Variants in SLC8A1 observed in about 807,000 individuals in gnomAD.
SLC8A1 encodes the protein sodium/calcium exchanger 1.
In SLC8A1, 18 loss-of-function variants were observed where a neutral mutation model predicts 68.3. The observed-to-expected ratio is 0.26, with a 90% CI of 0.18 to 0.39. SLC8A1 has a LOEUF of 0.39. Among genes scored for constraint, SLC8A1 ranks in the 10% least tolerant of loss-of-function variants. The probability of loss-of-function intolerance (pLI) is 1.00; values close to 1 mark genes in which losing one functional copy is unlikely to be tolerated. For missense variants in SLC8A1, 985 were observed against 1,156.7 expected (o/e 0.85, Z 2.15); for synonymous variants, 475 against 415.5 (o/e 1.14, Z -1.74).
chr2:40,508,601 G>C (rs1375469185), intron 1 of SLC8A1, among the ~76,000 whole-genome samples: 1 of 152,040 alleles, frequency 6.6e-6, no homozygotes, highest in African/African-American at 2.4e-5. Context: ...GACTATGATA[G>C]ATATCAAATA....
chr2:40,151,490 GGTT>G (rs979575917), intron 6 of SLC8A1, among the ~76,000 whole-genome samples: 4 of 152,118 alleles, frequency 2.6e-5, no homozygotes, highest in African/African-American at 4.8e-5. Flanking sequence ...GCAGATTTGC[GGTT>G]GTTGTTGTTT....
intron 2 of SLC8A1, among the ~76,000 whole-genome samples, chr2:40,298,310 C>A (rs2070798196): frequency 6.6e-6 from 1 of 152,184 alleles, no homozygotes; most frequent in African/African-American, 2.4e-5. Context: ...CACCAAAACT[C>A]CGGCTAGCAA....
chr2:40,497,084 AT>A (rs1487223788), intron 1 of SLC8A1, among the ~76,000 whole-genome samples: 1 of 151,912 alleles, frequency 6.6e-6, no homozygotes, highest in African/African-American at 2.4e-5. Context: ...TAAAAAAAAA[AT>A]CTGTTTAGAA....
At chr2:40,240,582 T>A (rs1057163701) in intron 2 of SLC8A1, among the ~76,000 whole-genome samples, 1 of 152,244 alleles carries the variant, frequency 6.6e-6, no homozygotes, top group African/African-American at 2.4e-5. Context: ...TGGACATGAA[T>A]GTGCATTTAT....
intron 2 of SLC8A1, among the ~76,000 whole-genome samples, chr2:40,380,697 A>G (rs1681458686): frequency 6.6e-6 from 1 of 152,084 alleles, no homozygotes; most frequent in African/African-American, 2.4e-5. Context: ...CTGCGATTTC[A>G]AAGATTAAAC....
intron 2 of SLC8A1, among the ~76,000 whole-genome samples, chr2:40,326,606 G>A (rs1040157401): frequency 8.6e-5 from 13 of 151,812 alleles, no homozygotes; most frequent in East Asian, 1.9e-4. Flanking sequence ...TCTAACTTTC[G>A]AACTGCCAAG....
chr2:40,139,149 C>T (rs2041086615), intron 7 of SLC8A1, among the ~76,000 whole-genome samples: 1 of 152,138 alleles, frequency 6.6e-6, no homozygotes, highest in Admixed American at 6.5e-5. Flanking sequence ...CCAATCTGGT[C>T]TCTTACAGGC....
intron 2 of SLC8A1, among the ~76,000 whole-genome samples, chr2:40,394,927 A>G (rs1686451096): frequency 6.6e-6 from 1 of 152,164 alleles, no homozygotes; most frequent in Non-Finnish European, 1.5e-5. Flanking sequence ...GAAATGAGAC[A>G]CTGAAGTAAA....
At chr2:40,181,487 TAAAACA>T (rs2049553701) in intron 2 of SLC8A1, among the ~76,000 whole-genome samples, 1 of 152,166 alleles carries the variant, frequency 6.6e-6, no homozygotes, top group Non-Finnish European at 1.5e-5. Flanking sequence ...CAAAGACATC[TAAAACA>T]GATGGAATTT....
upstream of SLC8A1, chr2:40,453,213 C>T (rs1359687800): frequency 6.6e-6 from 1 of 152,148 alleles, no homozygotes. Flanking sequence ...GATGCAGACT[C>T]TCCCGTTGTA....
chr2:40,383,758 G>C (rs1433362391), intron 2 of SLC8A1, among the ~76,000 whole-genome samples: 8 of 152,142 alleles, frequency 5.3e-5, no homozygotes, highest in African/African-American at 1.9e-4. Context: ...TTTAACAAAG[G>C]TACAGATCCA....
At chr2:40,468,905 A>C (rs1183773235) in intron 1 of SLC8A1, among the ~76,000 whole-genome samples, 1 of 152,108 alleles carries the variant, frequency 6.6e-6, no homozygotes, top group Non-Finnish European at 1.5e-5. Flanking sequence ...GCAAGATCCC[A>C]TCTCTATATT....
At chr2:40,368,480 G>A (rs1676963612) in intron 2 of SLC8A1, among the ~76,000 whole-genome samples, 1 of 151,892 alleles carries the variant, frequency 6.6e-6, no homozygotes, top group Admixed American at 6.6e-5. Context: ...TTTATTGGGA[G>A]GAACTGGGAT....
intron 2 of SLC8A1, among the ~76,000 whole-genome samples, chr2:40,201,258 T>C (rs2054313070): frequency 1.3e-5 from 2 of 151,968 alleles, no homozygotes; most frequent in East Asian, 1.9e-4. Flanking sequence ...CAATTTCTTA[T>C]GTTTTCAATT....
In SLC8A1 at chr2:40,356,966, T is replaced by C. The variant is rs539034554; in HGVS notation, c.1808+71507A>G. Among the ~76,000 whole-genome samples, 6 of 152,306 alleles carry C rather than the reference T, an allele frequency of 3.9e-5. 1 individual carries two copies. In the South Asian group the frequency reaches 8.3e-4, roughly 21 times the overall value. ...CTTGTCACCAACCATCTTGCCCTAT[T>C]ATAAACAAGAACACTCCATGAGTAT... On this transcript the variant is annotated intron_variant, in intron 2 of 7. Transcript: ENST00000406785.
At chr2:40,230,289 G>T (rs2059489765) in intron 2 of SLC8A1, among the ~76,000 whole-genome samples, 1 of 152,128 alleles carries the variant, frequency 6.6e-6, no homozygotes, top group Admixed American at 6.5e-5. Context: ...TCCAAATAAA[G>T]CCTGTGACAC....
chr2:40,309,641 G>A (rs2073319570), intron 2 of SLC8A1, among the ~76,000 whole-genome samples: 1 of 151,844 alleles, frequency 6.6e-6, no homozygotes, highest in South Asian at 2.1e-4. Context: ...AAGTAGCTGG[G>A]ACTACAGGTG....
chr2:40,251,463 T>A (rs939616581), intron 2 of SLC8A1: 6 of 152,204 alleles, frequency 3.9e-5, no homozygotes, highest in African/African-American at 1.2e-4. Context: ...AGAGTCGTTC[T>A]TCCAAAAAGG....
Position 40,262,756 on chromosome 2 carries a change from G to A in SLC8A1, c.1809-84901C>T, listed in dbSNP as rs147427289. ...ATATATGGTTGGAACTGGTGGGCAC[G>A]GAGTCCAAAATAGCAATTCTAGGCC... is the stretch of plus-strand genomic sequence containing the variant. On this transcript the variant is annotated intron_variant, in intron 2 of 7. Transcript: ENST00000406785. Among the ~76,000 whole-genome samples the A allele has an allele frequency of 3.9e-3, 597 of 152,222 alleles. 7 individuals are homozygous for A. Among genetic ancestry groups the A allele is most frequent in the Non-Finnish European group, 6.1e-3 (413 of 68,010 alleles).
Sources: allele counts gnomAD v4.1 joint callset (sites outside exome capture counted in the v4.1 genomes callset), GRCh38; gene constraint gnomAD v4.1.1; transcripts MANE v1.5; gene names NCBI Gene and HGNC (gene_info 2026-07-23, HGNC 2026-07-21).